RBM20: variants seen among roughly 807,000 people sequenced by gnomAD.
RBM20 encodes RNA-binding protein 20.
RBM20 carries 51 observed loss-of-function variants against 110.1 expected under a neutral mutation model. The observed-to-expected ratio is 0.46, with a 90% CI of 0.37 to 0.59. The LOEUF (loss-of-function observed/expected upper bound fraction) is 0.59. Among genes scored for constraint, RBM20 ranks in the 20% least tolerant of loss-of-function variants. The pLI is 0.00. For missense variants in RBM20, 1,512 were observed against 1,574.9 expected (o/e 0.96, Z 0.68); for synonymous variants, 589 against 618.2 (o/e 0.95, Z 0.70).
intron 12 of RBM20, among the ~76,000 whole-genome samples, chr10:110,828,612 TA>T (rs1845010974): frequency 6.6e-6 from 1 of 152,176 alleles, no homozygotes; most frequent in Admixed American, 6.5e-5. Flanking sequence ...TCCAAACCAG[TA>T]TTTTTGAGCA....
intron 1 of RBM20, among the ~76,000 whole-genome samples, chr10:110,768,167 C>T (rs1015320748): frequency 1.3e-5 from 2 of 152,066 alleles, no homozygotes; most frequent in Non-Finnish European, 2.9e-5. Context: ...TGCAGTGAGC[C>T]GAGATGGCAG....
At chr10:110,705,954 G>GTC (rs1488761142) in intron 1 of RBM20, among the ~76,000 whole-genome samples, 1 of 151,984 alleles carries the variant, frequency 6.6e-6, no homozygotes, top group Non-Finnish European at 1.5e-5. Flanking sequence ...TGATGGCAGA[G>GTC]TCTTGTAATC....
chr10:110,785,817 G>T (rs1364944809), intron 5 of RBM20, among the ~76,000 whole-genome samples: 1 of 151,780 alleles, frequency 6.6e-6, no homozygotes, highest in Non-Finnish European at 1.5e-5. Context: ...AAAAAAAAAA[G>T]TTGGAGCTTT....
intron 1 of RBM20, among the ~76,000 whole-genome samples, chr10:110,663,007 C>T (rs1862128641): frequency 6.6e-6 from 1 of 152,022 alleles, no homozygotes; most frequent in Non-Finnish European, 1.5e-5. Flanking sequence ...CACTGTCGCC[C>T]AGGCTGGAGT....
chr10:110,735,414 A>G (rs956649568), intron 1 of RBM20, among the ~76,000 whole-genome samples: 2 of 152,178 alleles, frequency 1.3e-5, no homozygotes, highest in East Asian at 3.9e-4. Flanking sequence ...CGTTTTGACA[A>G]TGTGTCTCTG....
chr10:110,831,501 G>C (rs1404990949), intron 13 of RBM20: 1 of 204,796 alleles, frequency 4.9e-6, no homozygotes, highest in East Asian at 1.2e-4. Flanking sequence ...ATCCTGTTTG[G>C]GTTGGCTTTG....
intron 1 of RBM20, among the ~76,000 whole-genome samples, chr10:110,659,951 C>CACAGG (rs1862079040): frequency 6.6e-6 from 1 of 151,710 alleles, no homozygotes; most frequent in Non-Finnish European, 1.5e-5. Flanking sequence ...GGAGCTGGGG[C>CACAGG]TACAGGTGTG....
chr10:110,716,929 A>G (rs987621955), intron 1 of RBM20, among the ~76,000 whole-genome samples: 2 of 152,158 alleles, frequency 1.3e-5, no homozygotes, highest in Admixed American at 1.3e-4. Context: ...AAAAGAAAAA[A>G]AAAAAAGATT....
intron 1 of RBM20, among the ~76,000 whole-genome samples, chr10:110,702,147 A>G (rs1417504688): frequency 2.0e-5 from 3 of 152,206 alleles, no homozygotes; most frequent in Non-Finnish European, 2.9e-5. Flanking sequence ...TCTGCTGGGC[A>G]AAAGTGGGAA....
chr10:110,770,890 T>C (rs964024142), intron 1 of RBM20, among the ~76,000 whole-genome samples: 2 of 152,224 alleles, frequency 1.3e-5, no homozygotes, highest in African/African-American at 4.8e-5. Flanking sequence ...TTCTTCCGAT[T>C]TGGTTAAAAG....
chr10:110,822,502 C>G (rs1041312230), intron 11 of RBM20: 2 of 456,422 alleles, frequency 4.4e-6, no homozygotes, highest in Non-Finnish European at 8.8e-6. Context: ...TGCCTATGCC[C>G]GGCACTGTGA....
intron 1 of RBM20, among the ~76,000 whole-genome samples, chr10:110,766,318 T>TG (rs1844082150): frequency 6.7e-6 from 1 of 149,184 alleles, no homozygotes; most frequent in Non-Finnish European, 1.5e-5. Context: ...ACTTTGTTTT[T>TG]TTTTTTGTTT....
intron 1 of RBM20, among the ~76,000 whole-genome samples, chr10:110,732,831 C>T (rs1236349607): frequency 6.6e-6 from 1 of 152,104 alleles, no homozygotes; most frequent in Admixed American, 6.6e-5. Context: ...ACCTCTGGAA[C>T]CATCAGCATC....
At chr10:110,690,981 C>T (rs191371803) in intron 1 of RBM20, among the ~76,000 whole-genome samples, 1 of 152,246 alleles carries the variant, frequency 6.6e-6, no homozygotes, top group African/African-American at 2.4e-5. Context: ...TGTTTATGTC[C>T]CCTCAAAATT....
intron 1 of RBM20, among the ~76,000 whole-genome samples, chr10:110,723,101 G>A (rs1257591839): frequency 2.1e-5 from 3 of 139,770 alleles, no homozygotes; most frequent in African/African-American, 8.5e-5. Flanking sequence ...GCCAGAGCGA[G>A]ACTCCATCTA....
chr10:110,729,941 G>C (rs1843603643), intron 1 of RBM20, among the ~76,000 whole-genome samples: 1 of 152,164 alleles, frequency 6.6e-6, no homozygotes, highest in Non-Finnish European at 1.5e-5. Flanking sequence ...TCAGCCTCCT[G>C]AGTAGCTGGG....
At chr10:110,819,557 G>A (rs1844881930) in intron 9 of RBM20, among the ~76,000 whole-genome samples, 1 of 152,182 alleles carries the variant, frequency 6.6e-6, no homozygotes, top group Non-Finnish European at 1.5e-5. Context: ...AAGGAGGAAA[G>A]GGAGTGTTAG....
At chr10:110,660,608 C>A (rs767019695) in intron 1 of RBM20, among the ~76,000 whole-genome samples, 1 of 151,990 alleles carries the variant, frequency 6.6e-6, no homozygotes, top group Admixed American at 6.6e-5. Context: ...GAGGGCAAAT[C>A]CTATTGTGAA....
intron 1 of RBM20, among the ~76,000 whole-genome samples, chr10:110,778,343 G>T (rs1844294379): frequency 6.6e-6 from 1 of 152,196 alleles, no homozygotes; most frequent in Non-Finnish European, 1.5e-5. Context: ...ATTTTATCTG[G>T]CTCTCAAATG....
Sources: allele counts gnomAD v4.1 joint callset (sites outside exome capture counted in the v4.1 genomes callset), GRCh38; gene constraint gnomAD v4.1.1; transcripts MANE v1.5; gene names NCBI Gene and HGNC (gene_info 2026-07-23, HGNC 2026-07-21).